Variants in CREB5 observed in about 807,000 individuals in gnomAD.
CREB5 encodes the protein cyclic AMP-responsive element-binding protein 5.
CREB5 carries 19 observed loss-of-function variants against 57.1 expected under a neutral mutation model. The ratio of observed to expected loss-of-function variants is 0.33; its 90% confidence interval spans 0.23 to 0.49. CREB5 has a LOEUF of 0.49. Among genes scored for constraint, CREB5 ranks in the 20% least tolerant of loss-of-function variants. The probability of loss-of-function intolerance (pLI) is 0.99; values close to 1 mark genes in which losing one functional copy is unlikely to be tolerated. For synonymous variants in CREB5, 238 were observed against 238.3 expected (o/e 1.00, Z 0.01); for missense variants, 579 against 671.6 (o/e 0.86, Z 1.52).
intron 5 of CREB5, among the ~76,000 whole-genome samples, chr7:28,613,733 T>G (rs1177998829): frequency 1.3e-5 from 2 of 152,208 alleles, no homozygotes; most frequent in Non-Finnish European, 2.9e-5. Context: ...GTGGAAATCT[T>G]GATTTCTTTG....
chr7:28,732,442 C>A (rs1803699752), intron 7 of CREB5, among the ~76,000 whole-genome samples: 1 of 152,108 alleles, frequency 6.6e-6, no homozygotes, highest in Admixed American at 6.5e-5. Flanking sequence ...CCCTCTCAGA[C>A]AAAGTTTTCA....
intron 1 of CREB5, among the ~76,000 whole-genome samples, chr7:28,457,681 C>A (rs916252295): frequency 1.3e-5 from 2 of 152,104 alleles, no homozygotes; most frequent in Non-Finnish European, 2.9e-5. Context: ...GACAGAGAAA[C>A]AAAGAGACCA....
At chr7:28,570,715 G>C (rs563653537) in intron 5 of CREB5, among the ~76,000 whole-genome samples, 178 bp downstream of exon 5, 1 of 152,178 alleles carries the variant, frequency 6.6e-6, no homozygotes, top group South Asian at 2.1e-4. Context: ...GGTAGAAGCT[G>C]TTTTGATCTT....
chr7:28,659,376 A>C (rs577078997), intron 5 of CREB5, among the ~76,000 whole-genome samples: 1 of 152,264 alleles, frequency 6.6e-6, no homozygotes, highest in Non-Finnish European at 1.5e-5. Context: ...CATTTTTTCC[A>C]ATTATGAGGA....
chr7:28,564,179 TA>T (rs1795391483), intron 4 of CREB5, among the ~76,000 whole-genome samples: 1 of 152,218 alleles, frequency 6.6e-6, no homozygotes, highest in African/African-American at 2.4e-5. Flanking sequence ...CAGGCATCAT[TA>T]AGATGCAGAC....
intron 4 of CREB5, among the ~76,000 whole-genome samples, chr7:28,525,053 C>T (rs962109052): frequency 1.3e-5 from 2 of 150,352 alleles, no homozygotes; most frequent in African/African-American, 4.9e-5. Context: ...ACATTTTAGG[C>T]ATCACAAGTG....
At chr7:28,400,440 A>C (rs965979150) in intron 1 of CREB5, among the ~76,000 whole-genome samples, 32 of 152,350 alleles carry the variant, frequency 2.1e-4, no homozygotes, top group South Asian at 6.2e-4. Context: ...AGCATTAAAT[A>C]GCCACAGCAG....
chr7:28,681,023 A>G (rs150394576), intron 5 of CREB5, among the ~76,000 whole-genome samples: 44 of 152,274 alleles, frequency 2.9e-4, no homozygotes, highest in African/African-American at 1.0e-3. Flanking sequence ...GCTGGTGACA[A>G]TAGTCTAGGA....
At chr7:28,318,742 G>A (rs1785429834) in intron 1 of CREB5, among the ~76,000 whole-genome samples, 2 of 152,138 alleles carry the variant, frequency 1.3e-5, no homozygotes, top group South Asian at 4.1e-4. Flanking sequence ...TGAAATACTA[G>A]ACTCTTAGAA....
rs559329725 is a variant in CREB5 at position 28,781,746 on chromosome 7, A to T, written c.703-22453A>T. ...CTTCCATGAAATTCCCTATCAATCA[A>T]ATAGTCTATCGTTTGGTACAAAAAT... On this transcript the variant is annotated intron_variant, in intron 7 of 10. Coordinates refer to ENST00000357727, the MANE Select transcript of CREB5 (RefSeq NM_182898.4). 3.3e-5 allele frequency among the ~76,000 whole-genome samples: 5 copies of T among 150,842 alleles called. No individual in the cohort carries two copies. In the East Asian group the frequency reaches 9.7e-4, roughly 29 times the overall value.
rs377537383 is a variant in CREB5 at position 28,804,386 on chromosome 7, C to T, written c.890C>T (p.Pro297Leu). The change falls in exon 8 of 11, where the codon CCA (proline) becomes CTA (leucine). Residue 297 changes from proline to leucine, a missense_variant. Physicochemically the swap from Pro to Leu is moderately conservative, Grantham distance 98. This residue lies in a region of CREB5 where 459 missense variants were observed against 515.7 expected (regional missense o/e 0.89). Coordinates refer to ENST00000357727, the MANE Select transcript of CREB5 (RefSeq NM_182898.4). ...CCTTACCCACACCAGCACCAGCACC[C>T]AGCACACCATCCTCACCCTCAACCC... is the stretch of plus-strand genomic sequence containing the variant. ...HHPYPHQHQH[P>L]AHHPHPQPHH... The T allele has an allele frequency of 3.7e-5, 60 of 1,613,712 alleles. No individual in the cohort carries two copies. Among genetic ancestry groups the T allele is most frequent in the Non-Finnish European group, 5.1e-5 (60 of 1,179,882 alleles).
chr7:28,497,080 A>T (rs1427630105), intron 3 of CREB5, among the ~76,000 whole-genome samples: 4 of 152,218 alleles, frequency 2.6e-5, no homozygotes, highest in Non-Finnish European at 5.9e-5. Context: ...CCCAAATTGG[A>T]TCCCTCAAAT....
chr7:28,612,862 TATA>T, intron 5 of CREB5, among the ~76,000 whole-genome samples: 1 of 152,188 alleles, frequency 6.6e-6, no homozygotes, highest in Admixed American at 6.5e-5. Flanking sequence ...GTTCAAAGAG[TATA>T]ATGTTTCACA....
intron 1 of CREB5, among the ~76,000 whole-genome samples, chr7:28,376,271 CTTTT>C (rs11386292): frequency 1.5e-5 from 2 of 130,576 alleles, no homozygotes; most frequent in Non-Finnish European, 3.2e-5. Flanking sequence ...CAGAGAAGTA[CTTTT>C]TTTTTTTTTT....
At position 28,577,181 on chromosome 7, in the gene CREB5, T is replaced by C. The variant is rs1795939606; in HGVS notation, c.464+6644T>C. 7.9e-5 allele frequency among the ~76,000 whole-genome samples: 12 copies of C among 152,310 alleles called. No homozygotes were observed. The South Asian group carries it at 2.5e-3, about 32-fold the overall frequency. On this transcript the variant is annotated intron_variant, in intron 5 of 10. Transcript: ENST00000357727. ...AGGCCTGGTTTCCTTTACCTACATATAAAGGGGTTAGCCAATTAATTGAGT... is the reference window on the plus strand; with the variant it reads ...AGGCCTGGTTTCCTTTACCTACATACAAAGGGGTTAGCCAATTAATTGAGT...
chr7:28,405,628 G>C (rs1444342145), intron 1 of CREB5, among the ~76,000 whole-genome samples: 1 of 152,112 alleles, frequency 6.6e-6, no homozygotes, highest in South Asian at 2.1e-4. Flanking sequence ...TGTTGCCCAA[G>C]CTGGTCTCGA....
In CREB5 at chr7:28,667,786, A is replaced by G. The variant is rs1799883005; in HGVS notation, c.465-50967A>G. 2.6e-5 allele frequency among the ~76,000 whole-genome samples: 4 copies of G among 152,328 alleles called. No homozygotes were observed. In the South Asian group the frequency reaches 8.3e-4, roughly 32 times the overall value. Reference sequence around the variant, plus strand: ...GACAAAGCCGAGGAAACGAAAACAAATACCTGTTTAATGGACTCGAAATTA... The same window carrying G: ...GACAAAGCCGAGGAAACGAAAACAAGTACCTGTTTAATGGACTCGAAATTA... On this transcript the variant is annotated intron_variant, in intron 5 of 10. Coordinates refer to ENST00000357727, the MANE Select transcript of CREB5 (RefSeq NM_182898.4).
intron 5 of CREB5, among the ~76,000 whole-genome samples, chr7:28,699,436 C>T (rs1038037180): frequency 6.6e-6 from 1 of 152,166 alleles, no homozygotes; most frequent in African/African-American, 2.4e-5. Flanking sequence ...GCATCTCACA[C>T]AGCACTTTGA....
chr7:28,711,669 C>CT (rs1802405704), intron 5 of CREB5, among the ~76,000 whole-genome samples: 1 of 152,248 alleles, frequency 6.6e-6, no homozygotes, highest in Admixed American at 6.5e-5. Flanking sequence ...TTCTCAAGGG[C>CT]TTTTTCTGAA....
Sources: gnomAD v4.1 joint callset for allele counts (sites outside exome capture counted in the v4.1 genomes callset) on GRCh38, gnomAD v4.1.1 for gene constraint, gnomAD v4.1.1 regional missense constraint, MANE v1.5 for transcripts, NCBI Gene and HGNC (gene_info 2026-07-23, HGNC 2026-07-21) for gene names.